The following TENM2 variants were observed in gnomAD, a reference collection of about 807,000 sequenced individuals.
The protein encoded by TENM2 is teneurin-2.
A neutral mutation model predicts 245.2 loss-of-function variants in TENM2; 52 were observed. The ratio of observed to expected loss-of-function variants is 0.21; its 90% CI spans 0.17 to 0.27. The LOEUF (loss-of-function observed/expected upper bound fraction) is 0.27. Ranked by LOEUF, TENM2 falls within the 10% of genes least tolerant of loss-of-function variation. The pLI is 1.00. For synonymous variants in TENM2, 1,363 were observed against 1,438.9 expected, an observed-to-expected ratio of 0.95 and a Z score of 1.19; for missense variants, 3,046 against 3,666.8, an observed-to-expected ratio of 0.83 and a Z score of 4.37.
At chr5:167,156,952 A>T in the TENM2 span, among the ~76,000 whole-genome samples, 1 of 152,204 alleles carries the variant, frequency 6.6e-6, no homozygotes, top group Non-Finnish European at 1.5e-5. Flanking sequence ...TTGTTTACAT[A>T]ATACTGTGGT....
intron 6 of TENM2, among the ~76,000 whole-genome samples, chr5:168,054,301 G>A (rs549925127): frequency 6.6e-6 from 1 of 152,324 alleles, no homozygotes; most frequent in South Asian, 2.1e-4. Flanking sequence ...GAAGGCTGAT[G>A]GGTTGCTGAT....
At chr5:167,558,860 T>G (rs777929649) in intron 2 of TENM2, among the ~76,000 whole-genome samples, 2 of 151,646 alleles carry the variant, frequency 1.3e-5, no homozygotes, top group African/African-American at 4.9e-5. Context: ...GCCAAAAAGG[T>G]TGGGGACTGC....
chr5:167,314,686 G>T (rs1756249754), intron 1 of TENM2, among the ~76,000 whole-genome samples: 1 of 151,892 alleles, frequency 6.6e-6, no homozygotes, highest in African/African-American at 2.4e-5. Context: ...CAATTTGTTT[G>T]CCATTAAAAT....
At chr5:168,006,835 C>T (rs1444298575) in intron 5 of TENM2, among the ~76,000 whole-genome samples, 1 of 152,114 alleles carries the variant, frequency 6.6e-6, no homozygotes, top group African/African-American at 2.4e-5. Context: ...TCAGGATTAC[C>T]ATTGTTTACT....
intron 2 of TENM2, among the ~76,000 whole-genome samples, chr5:167,443,219 G>A (rs1017941506): frequency 5.3e-5 from 8 of 152,192 alleles, no homozygotes; most frequent in African/African-American, 1.9e-4. Flanking sequence ...TGAAACCAGA[G>A]AGTTGGCATG....
chr5:168,027,838 G>C (rs1034259904), intron 5 of TENM2, among the ~76,000 whole-genome samples: 2 of 152,140 alleles, frequency 1.3e-5, no homozygotes, highest in African/African-American at 4.8e-5. Context: ...TGTTCCAGTA[G>C]CAACTGTTTG....
chr5:167,681,143 C>T (rs1756678499), intron 2 of TENM2, among the ~76,000 whole-genome samples: 1 of 152,104 alleles, frequency 6.6e-6, no homozygotes, highest in Admixed American at 6.6e-5. Flanking sequence ...TAATATGCTC[C>T]CTAAACCCCA....
the TENM2 span, among the ~76,000 whole-genome samples, chr5:166,993,935 T>C: frequency 1.3e-5 from 2 of 152,252 alleles, no homozygotes; most frequent in Non-Finnish European, 2.9e-5. Context: ...TGTTTCCTGT[T>C]CTCCCTATAT....
the TENM2 span, among the ~76,000 whole-genome samples, chr5:167,051,569 A>G: frequency 2.6e-5 from 4 of 152,294 alleles, no homozygotes; most frequent in Admixed American, 6.5e-5. Context: ...GGAAAACTCT[A>G]TTCGCATTCT....
At chr5:168,164,153 C>T (rs937252431) in intron 13 of TENM2, among the ~76,000 whole-genome samples, 5 of 152,210 alleles carry the variant, frequency 3.3e-5, no homozygotes, top group Admixed American at 6.5e-5. Context: ...TTAACCTAAC[C>T]ATTCATTCAG....
At chr5:167,662,431 A>G (rs1755275257) in intron 2 of TENM2, among the ~76,000 whole-genome samples, 2 of 152,160 alleles carry the variant, frequency 1.3e-5, no homozygotes, top group African/African-American at 4.8e-5. Context: ...AATAGATTTT[A>G]TGGTTACTGG....
At chr5:167,223,858 T>C in the TENM2 span, among the ~76,000 whole-genome samples, 1 of 152,162 alleles carries the variant, frequency 6.6e-6, no homozygotes, top group Admixed American at 6.6e-5. Context: ...CTGATATTTG[T>C]TGTCATTTTT....
chr5:168,069,455 G>A (rs115109850), intron 7 of TENM2, among the ~76,000 whole-genome samples: 85 of 152,136 alleles, frequency 5.6e-4, no homozygotes, highest in African/African-American at 1.9e-3. Context: ...TCATTCATCC[G>A]AGCTCTTATA....
chr5:167,404,278 G>A (rs2127391318), intron 2 of TENM2, among the ~76,000 whole-genome samples: 1 of 152,022 alleles, frequency 6.6e-6, no homozygotes, highest in Admixed American at 6.6e-5. Flanking sequence ...TGCAATTGGG[G>A]AATTTCCTGG....
intron 12 of TENM2, among the ~76,000 whole-genome samples, chr5:168,156,872 A>C (rs1162151851): frequency 6.6e-6 from 1 of 152,180 alleles, no homozygotes; most frequent in Non-Finnish European, 1.5e-5. Flanking sequence ...CAAACTAGAC[A>C]TGGTCCCTCC....
intron 7 of TENM2, chr5:168,087,454 A>T (rs559991431): frequency 6.6e-6 from 1 of 152,390 alleles, no homozygotes; most frequent in East Asian, 1.9e-4. Context: ...CTAAAGATAC[A>T]AAAAATTACC....
At chr5:168,231,942 C>T (rs995463554) in intron 25 of TENM2, among the ~76,000 whole-genome samples, 1 of 152,084 alleles carries the variant, frequency 6.6e-6, no homozygotes, top group Non-Finnish European at 1.5e-5. Context: ...TGGCACATGC[C>T]TGTAGTCCCA....
At chr5:167,345,670 A>G (rs1758408878) in intron 1 of TENM2, among the ~76,000 whole-genome samples, 1 of 152,174 alleles carries the variant, frequency 6.6e-6, no homozygotes, top group South Asian at 2.1e-4. Context: ...AGTCATTCAC[A>G]TAGGCCCCAC....
intron 3 of TENM2, among the ~76,000 whole-genome samples, chr5:167,907,991 C>G (rs1183870916): frequency 6.6e-6 from 1 of 151,986 alleles, no homozygotes; most frequent in Non-Finnish European, 1.5e-5. Flanking sequence ...CATAAGAGAG[C>G]CAGTCACGTG....
Sources: gnomAD v4.1 joint callset for allele counts (sites outside exome capture counted in the v4.1 genomes callset) on GRCh38, gnomAD v4.1.1 for gene constraint, MANE v1.5 for transcripts, NCBI Gene and HGNC (gene_info 2026-07-23, HGNC 2026-07-21) for gene names.